The following PATJ variants were observed in gnomAD, a reference collection of about 807,000 sequenced individuals.
PATJ encodes the protein PATJ crumbs cell polarity complex component, also known as inaD-like protein.
Under a neutral mutation model 224.9 loss-of-function variants are expected in PATJ, and 190 were observed. The ratio of observed to expected loss-of-function variants is 0.84; its 90% CI spans 0.75 to 0.95. The LOEUF (loss-of-function observed/expected upper bound fraction) is 0.95. PATJ is among the 40% of genes least tolerant of loss of function. The pLI, the probability that PATJ is intolerant of heterozygous loss-of-function variation, is 0.00. For synonymous variants in PATJ, 769 were observed against 820.3 expected (o/e 0.94, Z 1.07); for missense variants, 2,121 against 2,270.3 (o/e 0.93, Z 1.34).
intron 21 of PATJ, among the ~76,000 whole-genome samples, chr1:61,882,318 T>C (rs1370281813): frequency 6.6e-6 from 1 of 152,164 alleles, no homozygotes; most frequent in Non-Finnish European, 1.5e-5. Context: ...GTGAAAACAT[T>C]TGGGATATGG....
At chr1:61,844,456 A>G (rs1224410156) in intron 17 of PATJ, among the ~76,000 whole-genome samples, 1 of 152,218 alleles carries the variant, frequency 6.6e-6, no homozygotes, top group African/African-American at 2.4e-5. Flanking sequence ...TACTGCTTAC[A>G]GTTCCCTCTT....
At chr1:62,142,802 C>CTG (rs1282347484) in intron 41 of PATJ, among the ~76,000 whole-genome samples, 26 of 152,180 alleles carry the variant, frequency 1.7e-4, no homozygotes, top group African/African-American at 6.0e-4. Flanking sequence ...GGAGAGGGAA[C>CTG]TGGAATGTGG....
chr1:61,786,316 T>A (rs1648510732), intron 7 of PATJ, among the ~76,000 whole-genome samples: 1 of 152,072 alleles, frequency 6.6e-6, no homozygotes, highest in Admixed American at 6.6e-5. Flanking sequence ...GCCACTGTGC[T>A]GGCAGAATCA....
chr1:61,822,741 G>T (rs543112939), intron 14 of PATJ, among the ~76,000 whole-genome samples: 1 of 152,234 alleles, frequency 6.6e-6, no homozygotes, highest in East Asian at 1.9e-4. Context: ...CAGGGAATCC[G>T]GAAGGAAAAG....
rs76612625 is a variant in PATJ at position 61,995,894 on chromosome 1, G to A, written c.3867+5530G>A. ...AATCTTCCCTTCAGTGCCAATGTAG[G>A]AAAAAAGAGTTGATGGTGCTGTGCA... On this transcript the variant is annotated intron_variant, in intron 28 of 43. Coordinates refer to ENST00000642238, the MANE Select transcript of PATJ (RefSeq NM_001350145.3). 6.1e-3 allele frequency among the ~76,000 whole-genome samples: 928 copies of A among 152,220 alleles called. 8 individuals carry two copies. The highest frequency in any genetic ancestry group is 0.021 in the African/African-American group (877 of 41,556).
chr1:61,951,545 G>T (rs1286889121), intron 27 of PATJ, among the ~76,000 whole-genome samples: 1 of 151,844 alleles, frequency 6.6e-6, no homozygotes, highest in Non-Finnish European at 1.5e-5. Flanking sequence ...GTGTGTGGGG[G>T]GTAGGGTAGG....
At chr1:61,825,254 G>A (rs1658033392) in intron 15 of PATJ, among the ~76,000 whole-genome samples, 1 of 152,160 alleles carries the variant, frequency 6.6e-6, no homozygotes, top group Non-Finnish European at 1.5e-5. Flanking sequence ...ATGGTTGGAT[G>A]TGGTAAAATA....
intron 11 of PATJ, among the ~76,000 whole-genome samples, chr1:61,800,303 T>C (rs551783774): frequency 6.6e-6 from 1 of 152,374 alleles, no homozygotes; most frequent in Non-Finnish European, 1.5e-5. Flanking sequence ...CTGACTGATA[T>C]GAGATGGTAT....
At chr1:62,031,915 A>G (rs1351681389) in intron 29 of PATJ, among the ~76,000 whole-genome samples, 5 of 152,248 alleles carry the variant, frequency 3.3e-5, no homozygotes, top group African/African-American at 4.8e-5. Flanking sequence ...GTAAGCGGTC[A>G]AATGTTATGT....
At chr1:62,075,882 C>T (rs1457402861) in intron 31 of PATJ, among the ~76,000 whole-genome samples, 1 of 150,184 alleles carries the variant, frequency 6.7e-6, no homozygotes, top group Non-Finnish European at 1.5e-5. Flanking sequence ...CGCGCCACTG[C>T]ACTCCAGCCT....
intron 1 of PATJ, among the ~76,000 whole-genome samples, chr1:61,757,156 C>T (rs549196149): frequency 2.7e-5 from 4 of 148,424 alleles, no homozygotes; most frequent in African/African-American, 2.5e-5. Flanking sequence ...ACTGCAACCT[C>T]GATCTTCTGG....
At chr1:62,092,404 G>A (rs947346384) in intron 33 of PATJ, among the ~76,000 whole-genome samples, 8 of 151,452 alleles carry the variant, frequency 5.3e-5, no homozygotes, top group East Asian at 1.9e-4. Context: ...TGTGATTCAA[G>A]CACTATTCTC....
intron 42 of PATJ, among the ~76,000 whole-genome samples, chr1:62,151,483 C>A (rs571923318): frequency 1.3e-5 from 2 of 151,688 alleles, no homozygotes; most frequent in Non-Finnish European, 2.9e-5. Context: ...CCCAGCTACT[C>A]GGGAGGCTGA....
intron 27 of PATJ, among the ~76,000 whole-genome samples, chr1:61,938,625 G>A (rs1274461707): frequency 6.6e-6 from 1 of 152,126 alleles, no homozygotes; most frequent in African/African-American, 2.4e-5. Context: ...TGAGGCAGGA[G>A]GATCACTTGT....
chr1:61,855,881 A>AT (rs1663574457), intron 17 of PATJ, 149 bp from the exon 18 acceptor site: 2 of 632,358 alleles, frequency 3.2e-6, no homozygotes, highest in Non-Finnish European at 5.6e-6. Context: ...ATTTTAATTT[A>AT]TTTTTACCTG....
intron 27 of PATJ, among the ~76,000 whole-genome samples, chr1:61,948,025 A>T (rs1679032672): frequency 6.6e-6 from 1 of 152,226 alleles, no homozygotes; most frequent in Non-Finnish European, 1.5e-5. Flanking sequence ...AGAAAGCTGA[A>T]ACTGGATCCT....
At chr1:61,860,319 C>A (rs1557770284) in intron 18 of PATJ, among the ~76,000 whole-genome samples, 1 of 152,122 alleles carries the variant, frequency 6.6e-6, no homozygotes. Context: ...CCTCAGCCTC[C>A]CAAAGTGCTG....
chr1:62,059,847 T>G (rs1043762683), intron 31 of PATJ, among the ~76,000 whole-genome samples: 2 of 152,022 alleles, frequency 1.3e-5, no homozygotes, highest in African/African-American at 4.8e-5. Context: ...GGAGTCAGAA[T>G]GGATGGGACT....
intron 26 of PATJ, among the ~76,000 whole-genome samples, chr1:61,916,513 A>T (rs892862044): frequency 6.6e-6 from 1 of 152,150 alleles, no homozygotes; most frequent in African/African-American, 2.4e-5. Flanking sequence ...AGAAGTAATG[A>T]TAGCTAACAT....
Sources: gnomAD v4.1 joint callset for allele counts (sites outside exome capture counted in the v4.1 genomes callset) on GRCh38, gnomAD v4.1.1 for gene constraint, MANE v1.5 for transcripts, NCBI Gene and HGNC (gene_info 2026-07-23, HGNC 2026-07-21) for gene names.